Variants in ESRRG observed in about 807,000 individuals in gnomAD.
The protein encoded by ESRRG is estrogen related receptor gamma.
ESRRG carries 13 observed loss-of-function variants against 44.0 expected under a neutral mutation model. The observed-to-expected ratio is 0.30, with a 90% CI of 0.19 to 0.47. ESRRG has a LOEUF of 0.47. Ranked by LOEUF, ESRRG falls within the 20% of genes least tolerant of loss-of-function variation. ESRRG has a pLI of 1.00. For synonymous variants in ESRRG, 215 were observed against 214.6 expected, an observed-to-expected ratio of 1.00 and a Z score of -0.02; for missense variants, 395 against 580.6, an observed-to-expected ratio of 0.68 and a Z score of 3.29.
intron 1 of ESRRG, among the ~76,000 whole-genome samples, chr1:217,131,647 A>T (rs1329303879): frequency 1.3e-5 from 2 of 152,220 alleles, no homozygotes; most frequent in Non-Finnish European, 2.9e-5. Context: ...AAGACTTTGG[A>T]GGTTGTATAC....
At chr1:216,552,569 G>A (rs1266494920) in intron 5 of ESRRG, among the ~76,000 whole-genome samples, 1 of 152,188 alleles carries the variant, frequency 6.6e-6, no homozygotes, top group African/African-American at 2.4e-5. Flanking sequence ...AATCCATACA[G>A]TAGGTATTGC....
At chr1:217,000,341 G>C (rs942132922) in intron 1 of ESRRG, 3 of 152,200 alleles carry the variant, frequency 2.0e-5, no homozygotes, top group African/African-American at 7.2e-5. Flanking sequence ...CCATGAATCT[G>C]TGCTAGCTTT....
Position 216,506,898 on chromosome 1 carries a change from T to C in ESRRG, c.*41A>G. ...ACATCACTCTTGGGTTTATTTTCCC[T>C]TTTTCAACATGAAGGATGGGAAGGC... On this transcript the variant is annotated 3_prime_UTR_variant, in exon 7 of 7. Transcript: ENST00000408911. 1 of 1,580,576 alleles carries C rather than the reference T, an allele frequency of 6.3e-7. No homozygotes were observed.
intron 2 of ESRRG, among the ~76,000 whole-genome samples, chr1:216,923,062 T>C (rs1267973220): frequency 1.3e-5 from 2 of 152,206 alleles, no homozygotes; most frequent in Non-Finnish European, 2.9e-5. Flanking sequence ...TAATCACTGT[T>C]AGTAGGTAAA....
intron 1 of ESRRG, chr1:216,714,626 T>G (rs2084403716): frequency 7.2e-6 from 6 of 830,274 alleles, no homozygotes; most frequent in Non-Finnish European, 8.7e-6. Flanking sequence ...GACATTAAAG[T>G]TTTGTTCACT....
intron 2 of ESRRG, among the ~76,000 whole-genome samples, chr1:216,789,512 G>C (rs2094244167): frequency 6.6e-6 from 1 of 152,126 alleles, no homozygotes; most frequent in Admixed American, 6.6e-5. Context: ...ACCAGTCTAT[G>C]TATAAACATA....
intron 2 of ESRRG, among the ~76,000 whole-genome samples, chr1:216,760,497 G>A (rs1261795881): frequency 1.3e-5 from 2 of 152,034 alleles, no homozygotes; most frequent in African/African-American, 4.8e-5. Context: ...CAGCTACTCA[G>A]GAGGCTGAGG....
rs1371082381 is a variant in ESRRG at position 216,760,374 on chromosome 1, A to G, written c.-13-82883T>C. ...AATATAAATAAGCATATATATGTGT[A>G]TATATATATGACAATATACGACTAT... On this transcript the variant is annotated intron_variant, in intron 2 of 7. Transcript: ENST00000359162. 3.3e-5 allele frequency among the ~76,000 whole-genome samples: 5 copies of G among 151,920 alleles called. No homozygotes were observed. In the East Asian group the frequency reaches 9.7e-4, roughly 29 times the overall value.
At chr1:216,894,607 G>GA (rs2058200765) in intron 2 of ESRRG, among the ~76,000 whole-genome samples, 2 of 152,044 alleles carry the variant, frequency 1.3e-5, no homozygotes, top group Non-Finnish European at 1.5e-5. Context: ...CCTCCTAGCT[G>GA]AAAATCTTAT....
At chr1:216,837,374 G>A (rs976779185) in intron 2 of ESRRG, among the ~76,000 whole-genome samples, 5 of 147,578 alleles carry the variant, frequency 3.4e-5, no homozygotes, top group South Asian at 2.1e-4. Context: ...TCGTGCCACC[G>A]CACTCCAGCC....
chr1:216,682,372 C>T (rs193209730), intron 1 of ESRRG, among the ~76,000 whole-genome samples: 75 of 152,258 alleles, frequency 4.9e-4, no homozygotes, highest in African/African-American at 1.7e-3. Flanking sequence ...TCTTTGTCAT[C>T]CTTAAGGGCC....
chr1:216,827,818 T>C (rs151175530), intron 2 of ESRRG, among the ~76,000 whole-genome samples: 1,952 of 152,172 alleles, frequency 0.013, 47 homozygotes, highest in African/African-American at 0.042. Flanking sequence ...ACAAGTTAAA[T>C]GGGAAGGGAA....
intron 1 of ESRRG, among the ~76,000 whole-genome samples, chr1:217,023,696 G>A (rs991477978): frequency 1.3e-5 from 2 of 152,266 alleles, no homozygotes; most frequent in East Asian, 1.9e-4. Flanking sequence ...TTTCCTTGGC[G>A]TGTCTCTGTC....
intron 3 of ESRRG, among the ~76,000 whole-genome samples, chr1:216,582,933 A>C (rs2149836640): frequency 6.6e-6 from 1 of 152,306 alleles, no homozygotes; most frequent in Non-Finnish European, 1.5e-5. Context: ...GAGCGGAAGA[A>C]ACTGCTAGAA....
intron 1 of ESRRG, among the ~76,000 whole-genome samples, chr1:217,130,247 TAG>T (rs2102532435): frequency 6.6e-6 from 1 of 152,282 alleles, no homozygotes; most frequent in South Asian, 2.1e-4. Context: ...TACCTATTTA[TAG>T]AGAGAGGGGG....
At chr1:216,550,009 T>TTA (rs1228089855) in intron 5 of ESRRG, among the ~76,000 whole-genome samples, 3 of 152,118 alleles carry the variant, frequency 2.0e-5, no homozygotes, top group Non-Finnish European at 2.9e-5. Flanking sequence ...GTTCAAGTCC[T>TTA]TACATCAAAG....
At chr1:216,726,093 G>A (rs556441072), upstream of ESRRG, among the ~76,000 whole-genome samples, 23 of 152,236 alleles carry the variant, frequency 1.5e-4, no homozygotes, top group Non-Finnish European at 3.1e-4. Context: ...ATTGTTCTGT[G>A]CTCACAGAGA....
At chr1:216,559,567 G>A (rs1008155064) in intron 5 of ESRRG, among the ~76,000 whole-genome samples, 3 of 152,152 alleles carry the variant, frequency 2.0e-5, no homozygotes, top group Non-Finnish European at 4.4e-5. Context: ...CATGTCCTGT[G>A]TCCTGTACAT....
chr1:217,119,662 A>G lies in ESRRG; in HGVS notation c.-230+18005T>C, dbSNP rs1403663878. On this transcript the variant is annotated intron_variant, in intron 1 of 8. Coordinates refer to the ESRRG transcript ENST00000366940. The stretch of plus-strand genomic sequence containing the variant: ...CTCAGTTGGCTTTGATTTACTTAGG[A>G]GAGAACATCCTTTGAGTAAACATTA... Among the ~76,000 whole-genome samples the G allele has an allele frequency of 2.0e-5, 3 of 152,210 alleles. No homozygotes were observed. In the East Asian group the frequency reaches 5.8e-4, roughly 29 times the overall value.
Sources: allele counts gnomAD v4.1 joint callset (sites outside exome capture counted in the v4.1 genomes callset), GRCh38; gene constraint gnomAD v4.1.1; transcripts MANE v1.5; gene names NCBI Gene and HGNC (gene_info 2026-07-23, HGNC 2026-07-21).